KIAA0513: variants seen among roughly 807,000 people sequenced by gnomAD.
The protein encoded by KIAA0513 is uncharacterized protein KIAA0513.
In KIAA0513, 39 loss-of-function variants were observed where a neutral mutation model predicts 56.5. That is an observed-to-expected ratio of 0.69 (90% confidence interval 0.53 to 0.90). The LOEUF (loss-of-function observed/expected upper bound fraction) is 0.90, where lower values mean the gene tolerates loss of function less well. Ranked by LOEUF, KIAA0513 falls within the 40% of genes least tolerant of loss-of-function variation. The pLI, the probability that KIAA0513 is intolerant of heterozygous loss-of-function variation, is 0.00. For synonymous variants in KIAA0513, 268 were observed against 215.6 expected (o/e 1.24, Z -2.13); for missense variants, 591 against 535.2 (o/e 1.10, Z -1.03).
intron 1 of KIAA0513, among the ~76,000 whole-genome samples, chr16:85,055,298 G>T (rs1468822835): frequency 6.6e-6 from 1 of 152,148 alleles, no homozygotes; most frequent in Non-Finnish European, 1.5e-5. Flanking sequence ...TCTCTAGACA[G>T]TACCATGATG....
At chr16:85,069,740 G>A (rs1166185875) in intron 2 of KIAA0513, among the ~76,000 whole-genome samples, 1 of 152,050 alleles carries the variant, frequency 6.6e-6, no homozygotes, top group East Asian at 1.9e-4. Flanking sequence ...TGTGAGAAAT[G>A]CAGAGTCTTG....
intron 1 of KIAA0513, among the ~76,000 whole-genome samples, chr16:85,055,659 C>A (rs1366329621): frequency 6.6e-6 from 1 of 152,182 alleles, no homozygotes; most frequent in Non-Finnish European, 1.5e-5. Flanking sequence ...TCTTTCTAGA[C>A]ACCTACTGAC....
intron 10 of KIAA0513, among the ~76,000 whole-genome samples, chr16:85,085,243 G>A (rs1246832040): frequency 6.6e-6 from 1 of 152,240 alleles, no homozygotes; most frequent in African/African-American, 2.4e-5. Flanking sequence ...TGGTGTCTTC[G>A]TGGGCATCCT....
chr16:85,041,243 G>A (rs1011651623), intron 1 of KIAA0513, among the ~76,000 whole-genome samples: 1 of 152,096 alleles, frequency 6.6e-6, no homozygotes, highest in African/African-American at 2.4e-5. Flanking sequence ...AGCCATGTGG[G>A]GGATAGCAAA....
Position 85,091,852 on chromosome 16 carries a change from G to A in KIAA0513, c.*3527G>A, listed in dbSNP as rs2073871000. On this transcript the variant is annotated 3_prime_UTR_variant, in exon 13 of 13. Coordinates refer to ENST00000683363, the MANE Select transcript of KIAA0513 (RefSeq NM_001388359.1). ...TTCACACTGTAAAGAGTTTGTGAAA[G>A]GTTTCAGTCTAACTGGGGTTCCTTA... 6.6e-6 allele frequency: 1 copy of A among 152,134 alleles called. No individual in the cohort carries two copies. The highest frequency in any genetic ancestry group is 2.4e-5 in the African/African-American group (1 of 41,428). The allele number at this position is 152,134 out of a possible 1,614,324, so 9.4% of individuals were successfully genotyped here.
chr16:85,030,350 C>A (rs1289319051), intron 1 of KIAA0513, among the ~76,000 whole-genome samples: 1 of 152,170 alleles, frequency 6.6e-6, no homozygotes, highest in Admixed American at 6.5e-5. Context: ...AAGAGAAATG[C>A]GGTGGTTGTG....
Position 85,093,300 on chromosome 16 carries a change from A to T in KIAA0513, c.*4975A>T, listed in dbSNP as rs2073889523. 1 of 151,842 alleles carries T rather than the reference A, an allele frequency of 6.6e-6. No individual in the cohort carries two copies. The highest frequency in any genetic ancestry group is 2.4e-5 in the African/African-American group (1 of 41,296). The allele number at this position is 151,842 out of a possible 1,614,324, so 9.4% of individuals were successfully genotyped here. A position where few individuals can be genotyped will look rare whatever the true frequency, so the allele number is the denominator to read the frequency against. On this transcript the variant is annotated 3_prime_UTR_variant, in exon 13 of 13. Transcript: ENST00000683363. ...TCTTAGTTACTGTTGGAAAGGGAAA[A>T]ATTCACCATATCCAAGGGGAGAGAC...
intron 1 of KIAA0513, among the ~76,000 whole-genome samples, chr16:85,051,593 G>C (rs1240173287): frequency 6.6e-6 from 1 of 152,128 alleles, no homozygotes; most frequent in African/African-American, 2.4e-5. Context: ...CTTTCCTTCT[G>C]AGCCACATAG....
chr16:85,067,497 C>T, intron 2 of KIAA0513, 97 bp downstream of exon 2: 1 of 972,288 alleles, frequency 1.0e-6, no homozygotes, highest in Non-Finnish European at 1.5e-6. Flanking sequence ...AGGGTGCCAC[C>T]TGGGACCAGA....
chr16:85,044,439 T>C (rs879771926), intron 1 of KIAA0513, among the ~76,000 whole-genome samples: 1 of 152,058 alleles, frequency 6.6e-6, no homozygotes, highest in Non-Finnish European at 1.5e-5. Context: ...CGAAGTGAGG[T>C]CCCTGCTGTT....
At chr16:85,043,438 G>GTC (rs954936151) in intron 1 of KIAA0513, among the ~76,000 whole-genome samples, 19 of 123,376 alleles carry the variant, frequency 1.5e-4, no homozygotes, top group African/African-American at 5.6e-4. Context: ...TTGAGACAGA[G>GTC]TCTCGCTCCA....
At chr16:85,048,937 G>A (rs914239248) in intron 1 of KIAA0513, among the ~76,000 whole-genome samples, 2 of 152,198 alleles carry the variant, frequency 1.3e-5, no homozygotes, top group African/African-American at 4.8e-5. Context: ...GGAGTGTGGT[G>A]GAAATTAAGA....
At chr16:85,058,639 C>T (rs1454586288) in intron 1 of KIAA0513, among the ~76,000 whole-genome samples, 4 of 143,204 alleles carry the variant, frequency 2.8e-5, no homozygotes, top group Non-Finnish European at 4.5e-5. Context: ...GCAACAAGAG[C>T]GGAACTCCAT....
At position 85,052,103 on chromosome 16, in the gene KIAA0513, C is replaced by T. The variant is rs2073260635; in HGVS notation, c.-172-14797C>T. On this transcript the variant is annotated intron_variant, in intron 1 of 12. Coordinates refer to ENST00000683363, the MANE Select transcript of KIAA0513 (RefSeq NM_001388359.1). ...TTGGGAGGCCAAGGCAGGCAGATCACGAGGTCAACAGATCGAGACCGTCCT... is the reference window on the plus strand; with the variant it reads ...TTGGGAGGCCAAGGCAGGCAGATCATGAGGTCAACAGATCGAGACCGTCCT... 2.6e-5 allele frequency among the ~76,000 whole-genome samples: 4 copies of T among 152,222 alleles called. No individual in the cohort carries two copies. In the South Asian group the frequency reaches 6.2e-4, roughly 24 times the overall value.
In KIAA0513 at chr16:85,040,466, G is replaced by A. The variant is rs532565591; in HGVS notation, c.-173+12608G>A. Among the ~76,000 whole-genome samples the A allele has an allele frequency of 1.0e-3, 157 of 152,248 alleles. 1 individual carries two copies. Among genetic ancestry groups the A allele is most frequent in the African/African-American group, 3.6e-3 (151 of 41,548 alleles). ...GATCGCTTGAACCTGGGAGGTGGAG[G>A]TTGCGGTGAGCTGAGATCGCACCAC... On this transcript the variant is annotated intron_variant, in intron 1 of 12. Coordinates refer to ENST00000683363, the MANE Select transcript of KIAA0513 (RefSeq NM_001388359.1).
intron 1 of KIAA0513, among the ~76,000 whole-genome samples, chr16:85,028,525 T>A (rs2072919806): frequency 6.6e-6 from 1 of 152,056 alleles, no homozygotes; most frequent in South Asian, 2.1e-4. Flanking sequence ...TTTTAGCAGC[T>A]CAGTTTAGGA....
intron 2 of KIAA0513, among the ~76,000 whole-genome samples, chr16:85,071,293 A>C (rs941482257): frequency 6.6e-6 from 1 of 152,154 alleles, no homozygotes; most frequent in Non-Finnish European, 1.5e-5. Flanking sequence ...GATACGTGGG[A>C]GGTGATTTTC....
In KIAA0513 at chr16:85,081,223, G is replaced by C. The variant is rs2073739258; in HGVS notation, c.903-92G>C. On this transcript the variant is annotated intron_variant, in intron 8 of 12. Transcript: ENST00000683363. The surrounding 1 kb of genome is among the most constrained non-coding windows in gnomAD (Gnocchi z 4.4). ...TTCTTAGAAGCTCAGACAGATGTGA[G>C]ACACTGCCCTTGTTTATCCCTCAAG... 1 of 1,120,502 alleles carries C rather than the reference G, an allele frequency of 8.9e-7. No homozygotes were observed. The highest frequency in any genetic ancestry group is 2.4e-5 in the East Asian group (1 of 42,496). The allele number at this position is 1,120,502 out of a possible 1,614,324, so 69.4% of individuals were successfully genotyped here. A position where few individuals can be genotyped will look rare whatever the true frequency, so the allele number is the denominator to read the frequency against.
Position 85,081,467 on chromosome 16 carries a change from G to A in KIAA0513, c.980+75G>A. 4 of 1,309,432 alleles carry A rather than the reference G, an allele frequency of 3.1e-6. No individual in the cohort carries two copies. The highest frequency in any genetic ancestry group is 4.3e-6 in the Non-Finnish European group (4 of 926,930). 81.1% of individuals were successfully genotyped at this position (1,309,432 alleles called of 1,614,324 possible). On this transcript the variant is annotated intron_variant, in intron 9 of 12. Transcript: ENST00000683363. The surrounding 1 kb of genome is among the most constrained non-coding windows in gnomAD (Gnocchi z 4.4). ...GTGGCTTTATTTCCCGGTTTCGGAA[G>A]AGGAGAGCAGAAGAGCAGCTGAGTG...
Sources: gnomAD v4.1 joint callset for allele counts (sites outside exome capture counted in the v4.1 genomes callset) on GRCh38, gnomAD v4.1.1 for gene constraint, Gnocchi (gnomAD v3.1) non-coding constraint, MANE v1.5 for transcripts, NCBI Gene and HGNC (gene_info 2026-07-23, HGNC 2026-07-21) for gene names.